CAST: variants seen among roughly 807,000 people sequenced by gnomAD.
CAST encodes the protein calpastatin.
In CAST, 76 loss-of-function variants were observed where a neutral mutation model predicts 119.6. The ratio of observed to expected loss-of-function variants is 0.64; its 90% confidence interval spans 0.53 to 0.77. The LOEUF is 0.77. CAST is among the 30% of genes least tolerant of loss of function. CAST has a pLI of 0.00. For missense variants in CAST, 953 were observed against 946.5 expected, an observed-to-expected ratio of 1.01 and a Z score of -0.09; for synonymous variants, 319 against 331.6, an observed-to-expected ratio of 0.96 and a Z score of 0.41.
the CAST span, among the ~76,000 whole-genome samples, chr5:96,255,384 C>T: frequency 3.9e-5 from 6 of 152,048 alleles, no homozygotes; most frequent in Non-Finnish European, 8.8e-5. Flanking sequence ...GCTGAAAAGA[C>T]GAAAAGTGAC....
Position 96,754,719 on chromosome 5 carries a change from A to G in CAST, c.1688A>G (p.Asp563Gly). The G allele has an allele frequency of 1.2e-6, 2 of 1,605,302 alleles. No individual in the cohort carries two copies. The highest frequency in any genetic ancestry group is 1.7e-6 in the Non-Finnish European group (2 of 1,172,316). ...GAAAAAGAAGAAACAATTCCTCCTG[A>G]TTATAGATTAGAAGAGGTCAAGGTA... ...LGEKEETIPP[D>G]YRLEEVKDKD... is the part of the protein sequence containing the mutation. Residue 563 changes from aspartate to glycine, a missense_variant, in exon 22 of 32, where the codon GAT (aspartate) becomes GGT (glycine). By Grantham distance (94) the Asp-to-Gly change is moderately conservative. Coordinates refer to ENST00000675179, the MANE Select transcript of CAST (RefSeq NM_001750.7).
the CAST span, among the ~76,000 whole-genome samples, chr5:96,183,160 AAATAATAAT>A: frequency 0.076 from 10,905 of 143,236 alleles, 577 homozygotes; most frequent in East Asian, 0.21. Context: ...AAAATAAATA[AAATAATAAT>A]AATAATAATA....
the CAST span, among the ~76,000 whole-genome samples, chr5:96,321,445 C>T: frequency 6.6e-6 from 1 of 152,222 alleles, no homozygotes; most frequent in African/African-American, 2.4e-5. Context: ...ATACTGCTGC[C>T]TTCTTAGGCT....
At chr5:96,236,035 G>C in the CAST span, among the ~76,000 whole-genome samples, 1 of 152,266 alleles carries the variant, frequency 6.6e-6, no homozygotes, top group South Asian at 2.1e-4. Context: ...CATTGAAAAT[G>C]TATTGGAATG....
the CAST span, among the ~76,000 whole-genome samples, chr5:96,497,320 T>C: frequency 0.016 from 2,377 of 152,276 alleles, 68 homozygotes; most frequent in African/African-American, 0.055. Context: ...GCAATAAACA[T>C]ATGGGTGCAT....
chr5:96,104,614 A>G, the CAST span, among the ~76,000 whole-genome samples: 3 of 151,836 alleles, frequency 2.0e-5, no homozygotes, highest in African/African-American at 7.3e-5. Flanking sequence ...TGGTACCAGT[A>G]CCATGCTGTT....
chr5:96,487,417 C>A, the CAST span, among the ~76,000 whole-genome samples: 2 of 152,210 alleles, frequency 1.3e-5, no homozygotes, highest in African/African-American at 4.8e-5. Context: ...ACTTTCTGAT[C>A]TTCTGATGCC....
the CAST span, among the ~76,000 whole-genome samples, chr5:96,491,250 C>T: frequency 1.3e-5 from 2 of 151,832 alleles, no homozygotes; most frequent in East Asian, 3.9e-4. Context: ...CTTTGGGAGG[C>T]CGAGGCGGGT....
the CAST span, among the ~76,000 whole-genome samples, chr5:96,480,788 C>T: frequency 6.6e-6 from 1 of 152,156 alleles, no homozygotes; most frequent in Non-Finnish European, 1.5e-5. Flanking sequence ...TTAAGTTTTA[C>T]AGAGAAGCAA....
intron 3 of CAST, chr5:96,702,886 G>A (rs1009673585): frequency 1.1e-5 from 11 of 985,412 alleles, no homozygotes; most frequent in Non-Finnish European, 1.3e-5. Flanking sequence ...AAACCAAGCC[G>A]AGGACTGCGG....
the CAST span, among the ~76,000 whole-genome samples, chr5:96,192,322 G>A: frequency 2.0e-5 from 3 of 152,196 alleles, no homozygotes; most frequent in African/African-American, 7.2e-5. Flanking sequence ...CAAGAATAAT[G>A]ATTGTTAAGC....
In CAST at chr5:96,729,144, A is replaced by C. The variant is rs189416381; in HGVS notation, c.379-9A>C. The C allele has an allele frequency of 1.3e-6, 2 of 1,558,478 alleles. No homozygotes were observed. The highest frequency in any genetic ancestry group is 3.4e-5 in the Admixed American group (2 of 58,048). On this transcript the variant is annotated splice_polypyrimidine_tract_variant and intron_variant, in intron 6 of 31. Transcript: ENST00000675179. Reference sequence around the variant, plus strand: ...AGTGTAATCAAGTTTAATCTTTTGAAATTGACAGCTGTCTGTGGTTCATGA... The same window carrying C: ...AGTGTAATCAAGTTTAATCTTTTGACATTGACAGCTGTCTGTGGTTCATGA...
At chr5:96,556,446 A>C (rs977802473) in intron 1 of CAST, among the ~76,000 whole-genome samples, 7 of 152,218 alleles carry the variant, frequency 4.6e-5, no homozygotes, top group African/African-American at 1.4e-4. Flanking sequence ...CATGGCAAAG[A>C]AGTTAAAAAC....
At chr5:96,618,533 G>C (rs187249458) in intron 1 of CAST, among the ~76,000 whole-genome samples, 6 of 152,350 alleles carry the variant, frequency 3.9e-5, no homozygotes, top group South Asian at 4.1e-4. Context: ...GGTGGGAACC[G>C]GGGCTGCGCA....
chr5:96,326,258 C>T, the CAST span, among the ~76,000 whole-genome samples: 5 of 152,156 alleles, frequency 3.3e-5, no homozygotes, highest in Non-Finnish European at 7.3e-5. Context: ...GGTAATCTCC[C>T]TTCTGATTTC....
At chr5:96,662,133 C>T (rs899961865), upstream of CAST, 8 of 350,832 alleles carry the variant, frequency 2.3e-5, no homozygotes, top group East Asian at 3.8e-4. Flanking sequence ...CAACCGGGAC[C>T]AGAGCAGTGC....
At chr5:96,601,378 C>T (rs1182535696) in intron 1 of CAST, among the ~76,000 whole-genome samples, 1 of 152,166 alleles carries the variant, frequency 6.6e-6, no homozygotes, top group Non-Finnish European at 1.5e-5. Flanking sequence ...GACTAATTTC[C>T]GCAGGATCTG....
chr5:96,031,551 G>A, the CAST span, among the ~76,000 whole-genome samples: 1 of 152,120 alleles, frequency 6.6e-6, no homozygotes, highest in Admixed American at 6.6e-5. Context: ...TGTAGTGGAA[G>A]TTACCTCGAA....
chr5:96,746,187 C>A (rs115397544), intron 16 of CAST, among the ~76,000 whole-genome samples, 155 bp from the exon 17 acceptor site: 1 of 152,344 alleles, frequency 6.6e-6, no homozygotes, highest in Non-Finnish European at 1.5e-5. Flanking sequence ...CAGCTGCCCA[C>A]CATCGTCTTG....
Sources: allele counts gnomAD v4.1 joint callset (sites outside exome capture counted in the v4.1 genomes callset), GRCh38; gene constraint gnomAD v4.1.1; transcripts MANE v1.5; gene names NCBI Gene and HGNC (gene_info 2026-07-23, HGNC 2026-07-21).